ITIH3: variants seen among roughly 807,000 people sequenced by gnomAD.
ITIH3 encodes inter-alpha-trypsin inhibitor heavy chain 3.
ITIH3 carries 81 observed loss-of-function variants against 96.5 expected under a neutral mutation model. That is an observed-to-expected ratio of 0.84 (90% CI 0.70 to 1.01). The LOEUF (loss-of-function observed/expected upper bound fraction) is 1.01. Among genes scored for constraint, ITIH3 ranks in the 50% least tolerant of loss-of-function variants. The pLI is 0.00. For missense variants in ITIH3, 1,057 were observed against 1,139.3 expected (o/e 0.93, Z 1.04); for synonymous variants, 422 against 445.2 (o/e 0.95, Z 0.66).
chr3:52,803,380 G>A (rs554802896), intron 13 of ITIH3, among the ~76,000 whole-genome samples: 24 of 149,090 alleles, frequency 1.6e-4, no homozygotes, highest in African/African-American at 5.7e-4. Context: ...GTGCAGTGGC[G>A]GGATCTCGGC....
intron 19 of ITIH3, 74 bp downstream of exon 19, chr3:52,807,179 A>G: frequency 7.6e-7 from 1 of 1,312,054 alleles, no homozygotes; most frequent in Non-Finnish European, 1.1e-6. Context: ...GGATTTAGAA[A>G]AATCCCAGGA....
chr3:52,803,421 C>T (rs1256982235), intron 13 of ITIH3, among the ~76,000 whole-genome samples: 1 of 151,424 alleles, frequency 6.6e-6, no homozygotes, highest in Admixed American at 6.6e-5. Context: ...CGGGTTCACG[C>T]CATTCTCCTG....
At chr3:52,796,688 G>C (rs1699594999) in intron 3 of ITIH3, 41 bp downstream of exon 3, 2 of 1,606,102 alleles carry the variant, frequency 1.2e-6, no homozygotes, top group East Asian at 4.5e-5. Flanking sequence ...CTCGGGAACA[G>C]GGGGTCTGGC....
At chr3:52,798,491 C>T (rs1300789562) in intron 6 of ITIH3, 2 of 180,132 alleles carry the variant, frequency 1.1e-5, no homozygotes, top group Non-Finnish European at 2.3e-5. Context: ...GCCCCGGGAC[C>T]CTCCTCCTCC....
chr3:52,798,364 T>C (rs754690257), intron 6 of ITIH3, among the ~76,000 whole-genome samples: 18 of 152,190 alleles, frequency 1.2e-4, no homozygotes, highest in African/African-American at 2.9e-4. Context: ...TTAATGGCAG[T>C]GGACAGTGGG....
rs995333418 is a variant in ITIH3 at position 52,803,780 on chromosome 3, C to G, written c.1710-75C>G. ...GTGGAGTGGGGATCCCCAGCTGTGT[C>G]CACTGCTCCAGTGCAGGGGAAGTGG... On this transcript the variant is annotated intron_variant, in intron 13 of 21. Transcript: ENST00000449956. 1.1e-5 allele frequency: 17 copies of G among 1,534,556 alleles called. No homozygotes were observed. The African/African-American group carries it at 2.2e-4, about 20-fold the overall frequency.
Position 52,800,599 on chromosome 3 carries a change from G to A in ITIH3, c.1137G>A (p.Glu379=), listed in dbSNP as rs1699792423. The change falls in exon 10 of 22, where the codon GAG becomes GAA. Residue 379 remains glutamate, a synonymous_variant. Transcript: ENST00000449956. ...GISMLNKARE[E]HRIPERSTSI... is the part of the protein sequence containing the mutation. ...GTATGCTGAACAAGGCCCGAGAGGAGCACAGAATCCCAGAGAGGAGCACCT... is the reference window on the plus strand; with the variant it reads ...GTATGCTGAACAAGGCCCGAGAGGAACACAGAATCCCAGAGAGGAGCACCT... The A allele has an allele frequency of 1.3e-6, 2 of 1,576,928 alleles. No individual in the cohort carries two copies. The highest frequency in any genetic ancestry group is 1.7e-6 in the Non-Finnish European group (2 of 1,161,080).
intron 2 of ITIH3, chr3:52,796,012 G>C (rs1699566464): frequency 4.0e-6 from 1 of 250,516 alleles, no homozygotes; most frequent in East Asian, 9.1e-5. Flanking sequence ...ATTGGAAAGA[G>C]GGTGTTTGGA....
chr3:52,805,138 G>T (rs1014271208), intron 15 of ITIH3: 14 of 248,152 alleles, frequency 5.6e-5, no homozygotes, highest in African/African-American at 3.0e-4. Context: ...TCAGCAGATG[G>T]CCAAGCTGGT....
In ITIH3 at chr3:52,797,916, T is replaced by G; in HGVS notation, c.649T>G (p.Phe217Val). 6.3e-7 allele frequency: 1 copy of G among 1,597,070 alleles called. No individual in the cohort carries two copies. Among genetic ancestry groups the G allele is most frequent in the Non-Finnish European group, 8.5e-7 (1 of 1,171,506 alleles). The change falls in exon 6 of 22, where the codon TTC becomes GTC. Residue 217 changes from phenylalanine (F) to valine (V), a missense_variant. Physicochemically the swap from Phe to Val is conservative, Grantham distance 50. Coordinates refer to ENST00000449956, the MANE Select transcript of ITIH3 (RefSeq NM_002217.4). Reference sequence around the variant, plus strand: ...CCTGGGAAGCGCCCTCACCAAGTCCTTCTCAGGGAAAAAGGTGATGTAGAT... The same window carrying G: ...CCTGGGAAGCGCCCTCACCAAGTCCGTCTCAGGGAAAAAGGTGATGTAGAT... ...DLLGSALTKS[F>V]SGKKGHVSFK...
intron 5 of ITIH3, 101 bp downstream of exon 5, chr3:52,797,368 C>A: frequency 1.6e-6 from 2 of 1,218,466 alleles, no homozygotes; most frequent in Non-Finnish European, 2.3e-6. Context: ...AGTTCTGCCT[C>A]ACGGCATCCC....
chr3:52,805,498 CA>C, intron 15 of ITIH3: 1 of 1,179,004 alleles, frequency 8.5e-7, no homozygotes, highest in Non-Finnish European at 1.1e-6. Context: ...GTGGGAAGCC[CA>C]GGGGTGGGGC....
In ITIH3 at chr3:52,808,653, C is replaced by A; in HGVS notation, c.2645C>A (p.Thr882Asn). 1.2e-6 allele frequency: 2 copies of A among 1,613,428 alleles called. No homozygotes were observed. The highest frequency in any genetic ancestry group is 1.7e-6 in the Non-Finnish European group (2 of 1,179,384). The change falls in exon 22 of 22, where the codon ACT (threonine) becomes AAT (asparagine). Residue 882 changes from threonine (T) to asparagine (N), a missense_variant. Coordinates refer to ENST00000449956, the MANE Select transcript of ITIH3 (RefSeq NM_002217.4). ...NGEGLIDGVHTDYIVPNLF is the reference protein window; with the variant it reads ...NGEGLIDGVHNDYIVPNLF ...GAAGGGCTGATTGATGGTGTCCACACTGACTACATTGTCCCCAACCTGTTT... is the reference window on the plus strand; with the variant it reads ...GAAGGGCTGATTGATGGTGTCCACAATGACTACATTGTCCCCAACCTGTTT...
In ITIH3 at chr3:52,794,906, C is replaced by A. The variant is rs567756674; in HGVS notation, c.93+10C>A. The A allele has an allele frequency of 1.2e-6, 2 of 1,608,424 alleles. No individual in the cohort carries two copies. The highest frequency in any genetic ancestry group is 2.7e-5 in the African/African-American group (2 of 74,816). On this transcript the variant is annotated intron_variant, in intron 1 of 21. Coordinates refer to ENST00000449956, the MANE Select transcript of ITIH3 (RefSeq NM_002217.4). ...CTTTCGGCTGCTTGGGGTGAGTCTG[C>A]CCCCTCTTTGCCATCTGGGTCTTGG...
intron 14 of ITIH3, 71 bp downstream of exon 14, chr3:52,804,080 A>G: frequency 1.3e-6 from 2 of 1,527,340 alleles, no homozygotes; most frequent in Non-Finnish European, 1.8e-6. Context: ...TGTCCAGTGG[A>G]GGAGTGGGCC....
rs770403496 is a variant in ITIH3 at position 52,796,549 on chromosome 3, T to C, written c.183T>C (p.Asn61=). The change falls in exon 3 of 22, where the codon AAT becomes AAC. Residue 61 remains asparagine, a synonymous_variant. Coordinates refer to ENST00000449956, the MANE Select transcript of ITIH3 (RefSeq NM_002217.4). ...NSKVTSRFAH[N]VVTMRAVNRA... ...AGGTGACCTCCCGTTTTGCTCACAATGTTGTCACCATGAGAGCCGTCAACC... is the reference window on the plus strand; with the variant it reads ...AGGTGACCTCCCGTTTTGCTCACAACGTTGTCACCATGAGAGCCGTCAACC... 1 of 1,613,706 alleles carries C rather than the reference T, an allele frequency of 6.2e-7. No individual in the cohort carries two copies. The highest frequency in any genetic ancestry group is 1.7e-5 in the Admixed American group (1 of 59,982).
chr3:52,802,827 C>T (rs545945863), intron 13 of ITIH3, 21 bp downstream of exon 13: 14 of 1,613,008 alleles, frequency 8.7e-6, no homozygotes, highest in Admixed American at 3.3e-5. Context: ...TCCCAGCCCC[C>T]ACCTGTGCCT....
intron 14 of ITIH3, 185 bp downstream of exon 14, chr3:52,804,194 G>A (rs935932264): frequency 3.4e-5 from 21 of 620,658 alleles, no homozygotes; most frequent in African/African-American, 2.2e-4. Flanking sequence ...ATGGACAGTG[G>A]GGTGTGGGGT....
At chr3:52,803,821 C>A (rs1369683233) in intron 13 of ITIH3, 34 bp from the exon 14 acceptor site, 2 of 1,611,786 alleles carry the variant, frequency 1.2e-6, no homozygotes, top group African/African-American at 2.7e-5. Flanking sequence ...GTGCTGCTCT[C>A]CAGGCTGTCC....
Sources: allele counts gnomAD v4.1 joint callset (sites outside exome capture counted in the v4.1 genomes callset), GRCh38; gene constraint gnomAD v4.1.1; transcripts MANE v1.5; gene names NCBI Gene and HGNC (gene_info 2026-07-23, HGNC 2026-07-21).